The following EXOC7 variants were observed in gnomAD, a reference collection of about 807,000 sequenced individuals.
The protein encoded by EXOC7 is exocyst complex component 7.
In EXOC7, 51 loss-of-function variants were observed where a neutral mutation model predicts 87.6. The ratio of observed to expected loss-of-function variants is 0.58; its 90% CI spans 0.46 to 0.73. The LOEUF (loss-of-function observed/expected upper bound fraction) is 0.73, where lower values mean the gene tolerates loss of function less well. Among genes scored for constraint, EXOC7 ranks in the 30% least tolerant of loss-of-function variants. The pLI, the probability that EXOC7 is intolerant of heterozygous loss-of-function variation, is 0.00. For synonymous variants in EXOC7, 327 were observed against 357.1 expected, an observed-to-expected ratio of 0.92 and a Z score of 0.95; for missense variants, 744 against 888.4, an observed-to-expected ratio of 0.84 and a Z score of 2.07.
At chr17:76,085,461 C>T in intron 14 of EXOC7, 52 bp from the exon 15 acceptor site, 1 of 1,560,452 alleles carries the variant, frequency 6.4e-7, no homozygotes, top group Non-Finnish European at 8.7e-7. Context: ...GCTCCTCAGG[C>T]CCAAAGGCTG....
At chr17:76,102,467 C>T (rs893811771) in intron 2 of EXOC7, among the ~76,000 whole-genome samples, 11 of 150,562 alleles carry the variant, frequency 7.3e-5, no homozygotes, top group African/African-American at 2.7e-4. Flanking sequence ...ATTAGCAAGG[C>T]GTGGTGGTGT....
chr17:76,099,685 C>T (rs541205993), intron 4 of EXOC7, among the ~76,000 whole-genome samples: 10 of 152,078 alleles, frequency 6.6e-5, no homozygotes, highest in African/African-American at 2.4e-4. Flanking sequence ...TTATAAGATA[C>T]CATTTATATT....
intron 15 of EXOC7, chr17:76,084,992 C>T (rs148524091): frequency 2.8e-5 from 13 of 462,186 alleles, no homozygotes; most frequent in Non-Finnish European, 4.3e-5. Context: ...GGCTCAGCCA[C>T]GTTCAAGTGC....
chr17:76,090,581 GT>G, intron 7 of EXOC7: 1 of 1,174,068 alleles, frequency 8.5e-7, no homozygotes. Flanking sequence ...GGGAACAGCC[GT>G]TTCAAGCCTG....
chr17:76,081,638 C>T lies in EXOC7; in HGVS notation c.*2010G>A. On this transcript the variant is annotated 3_prime_UTR_variant, in exon 19 of 19. Coordinates refer to ENST00000589210, the MANE Select transcript of EXOC7 (RefSeq NM_001013839.4). ...GGCTGACGTGTGCGGGGGGTTGCTG[C>T]CCCTCCGGGCCATTGAGCGCATAGG... is the stretch of plus-strand genomic sequence containing the variant. 6.2e-7 allele frequency: 1 copy of T among 1,614,116 alleles called. No individual in the cohort carries two copies. The highest frequency in any genetic ancestry group is 8.5e-7 in the Non-Finnish European group (1 of 1,180,034).
At chr17:76,086,413 G>A (rs997802326) in intron 12 of EXOC7, among the ~76,000 whole-genome samples, 2 of 152,176 alleles carry the variant, frequency 1.3e-5, no homozygotes, top group Non-Finnish European at 2.9e-5. Context: ...AGATGCCAGC[G>A]CCCTGTCCCC....
intron 12 of EXOC7, chr17:76,087,357 G>A (rs2067257398): frequency 4.2e-6 from 2 of 477,104 alleles, no homozygotes; most frequent in Non-Finnish European, 7.5e-6. Context: ...TGGGAGGGGG[G>A]CAGGGGCAGA....
Position 76,083,571 on chromosome 17 carries a change from C to G in EXOC7, c.*77G>C. On this transcript the variant is annotated 3_prime_UTR_variant, in exon 19 of 19. Transcript: ENST00000589210. ...CCAGAGGACTTCAAGCTCACCCAGC[C>G]CAGAGGCAAGCTAACACTGGTTTAT... is the stretch of plus-strand genomic sequence containing the variant. 1 of 1,471,188 alleles carries G rather than the reference C, an allele frequency of 6.8e-7. No homozygotes were observed. Among genetic ancestry groups the G allele is most frequent in the African/African-American group, 1.4e-5 (1 of 72,292 alleles). 91.1% of individuals were successfully genotyped at this position (1,471,188 alleles called of 1,614,324 possible).
chr17:76,103,409 G>C lies in EXOC7; in HGVS notation c.78C>G (p.Ser26=). 6.2e-7 allele frequency: 1 copy of C among 1,607,274 alleles called. No homozygotes were observed. The highest frequency in any genetic ancestry group is 8.5e-7 in the Non-Finnish European group (1 of 1,176,966). Residue 26 remains serine, a synonymous_variant, in exon 2 of 19, where the codon TCC becomes TCG. Transcript: ENST00000589210. The stretch of plus-strand genomic sequence containing the variant: ...TCTTCTCCAGGCTGTCTCGGATGAA[G>C]GACAGAGTCTCCTCCTCCTGGGGGC... ...DKLKQEEETL[S]FIRDSLEKSD...
At position 76,089,001 on chromosome 17, in the gene EXOC7, T is replaced by G. The variant is rs890161615; in HGVS notation, c.1048-78A>C. ...CTGGGCTAGTGGGGGATCCTTGCAG[T>G]ATGTAGGGGGGCCAGTGTGCAGGAA... On this transcript the variant is annotated intron_variant, in intron 8 of 18. Coordinates refer to ENST00000589210, the MANE Select transcript of EXOC7 (RefSeq NM_001013839.4). 2.4e-5 allele frequency: 36 copies of G among 1,488,602 alleles called. No individual in the cohort carries two copies. In the East Asian group the frequency reaches 8.2e-4, roughly 34 times the overall value. 92.2% of individuals were successfully genotyped at this position (1,488,602 alleles called of 1,614,324 possible).
At chr17:76,097,218 A>C (rs1689578232) in intron 5 of EXOC7, among the ~76,000 whole-genome samples, 1 of 152,190 alleles carries the variant, frequency 6.6e-6, no homozygotes, top group Admixed American at 6.6e-5. Flanking sequence ...ATGGACTTTT[A>C]CTTTTCACCC....
intron 5 of EXOC7, among the ~76,000 whole-genome samples, chr17:76,096,798 C>A (rs35733559): frequency 2.0e-5 from 3 of 151,958 alleles, no homozygotes; most frequent in African/African-American, 7.3e-5. Flanking sequence ...TCAGGTGATC[C>A]GCCCACCTTG....
intron 4 of EXOC7, among the ~76,000 whole-genome samples, chr17:76,098,924 T>C (rs1176372391): frequency 1.3e-5 from 2 of 151,910 alleles, no homozygotes; most frequent in Non-Finnish European, 2.9e-5. Context: ...TTAATTTGTC[T>C]TCTTGTTAGT....
chr17:76,090,283 G>A (rs1366184467), intron 7 of EXOC7: 53 of 1,541,330 alleles, frequency 3.4e-5, no homozygotes, highest in East Asian at 7.3e-5. Context: ...GGACCGCTGC[G>A]AAGGCAGTGT....
chr17:76,084,428 G>A (rs1011201183), intron 16 of EXOC7, 89 bp downstream of exon 16: 1 of 1,563,814 alleles, frequency 6.4e-7, no homozygotes, highest in African/African-American at 1.3e-5. Context: ...TCTGATCCCA[G>A]AGGGATGCTT....
Position 76,081,868 on chromosome 17 carries a change from CCT to C in EXOC7, c.*1778_*1779del. On this transcript the variant is annotated 3_prime_UTR_variant, in exon 19 of 19. Transcript: ENST00000589210. ...CTGGCCCCTGAGCATCTCCCTGTGC[CCT>C]GCCTCCCCCAGTTTACTACTTCACC... 2 of 1,608,288 alleles carry C rather than the reference CCT, an allele frequency of 1.2e-6. No individual in the cohort carries two copies. Among genetic ancestry groups the C allele is most frequent in the Non-Finnish European group, 1.7e-6 (2 of 1,176,064 alleles).
rs187379497 is a variant in EXOC7 at position 76,084,476 on chromosome 17, G to A, written c.1776+41C>T. Reference sequence around the variant, plus strand: ...CCAGAGACACGACAAAAAGTATCCCGTCTGCCAGACACCCCTTCCCAGCCC... The same window carrying A: ...CCAGAGACACGACAAAAAGTATCCCATCTGCCAGACACCCCTTCCCAGCCC... On this transcript the variant is annotated intron_variant, in intron 16 of 18. Coordinates refer to ENST00000589210, the MANE Select transcript of EXOC7 (RefSeq NM_001013839.4). The A allele has an allele frequency of 5.9e-5, 94 of 1,603,750 alleles. No individual in the cohort carries two copies. The East Asian group carries it at 1.3e-3, about 22-fold the overall frequency.
chr17:76,081,946 TGGGCTGCTGGCC>T lies in EXOC7; in HGVS notation c.*1690_*1701del, dbSNP rs1441143032. 1 of 1,613,094 alleles carries T rather than the reference TGGGCTGCTGGCC, an allele frequency of 6.2e-7. No individual in the cohort carries two copies. ...GCACCATAGAGACTGTGCTGCTGGC[TGGGCTGCTGGCC>T]CGGGGCAACCTTGGGGCCAAGAGCG... is the stretch of plus-strand genomic sequence containing the variant. On this transcript the variant is annotated 3_prime_UTR_variant, in exon 19 of 19. Transcript: ENST00000589210.
intron 12 of EXOC7, chr17:76,087,021 C>G (rs2067242894): frequency 1.4e-6 from 1 of 723,760 alleles, no homozygotes; most frequent in Non-Finnish European, 2.4e-6. Flanking sequence ...CTCCCCACGA[C>G]AGCCAAAACA....
Sources: allele counts gnomAD v4.1 joint callset (sites outside exome capture counted in the v4.1 genomes callset), GRCh38; gene constraint gnomAD v4.1.1; transcripts MANE v1.5; gene names NCBI Gene and HGNC (gene_info 2026-07-23, HGNC 2026-07-21).